Variants in UNC45A observed in about 807,000 individuals in gnomAD.
UNC45A encodes protein unc-45 homolog A.
A neutral mutation model predicts 103.2 loss-of-function variants in UNC45A; 78 were observed. That is an observed-to-expected ratio of 0.76 (90% CI 0.63 to 0.91). The LOEUF is 0.91. Among genes scored for constraint, UNC45A ranks in the 40% least tolerant of loss-of-function variants. The pLI is 0.00. For missense variants in UNC45A, 1,193 were observed against 1,224.8 expected, an observed-to-expected ratio of 0.97 and a Z score of 0.39; for synonymous variants, 495 against 504.6, an observed-to-expected ratio of 0.98 and a Z score of 0.25.
intron 9 of UNC45A, 107 bp from the exon 10 acceptor site, chr15:90,946,507 G>A: frequency 7.6e-7 from 1 of 1,318,044 alleles, no homozygotes; most frequent in Non-Finnish European, 1.0e-6. Flanking sequence ...CTTTCCTGCT[G>A]TTTCTGCCCA....
chr15:90,931,902 G>C (rs572934314), upstream of UNC45A: 12 of 1,614,034 alleles, frequency 7.4e-6, no homozygotes, highest in African/African-American at 1.5e-4. Flanking sequence ...ACCTCATCCA[G>C]GGTGGTGTCT....
At chr15:90,933,024 C>T (rs1383558102), upstream of UNC45A, 1 of 152,930 alleles carries the variant, frequency 6.5e-6, no homozygotes, top group Non-Finnish European at 1.5e-5. Context: ...AATAGTTCTC[C>T]CTGTAGGGAT....
At chr15:90,931,704 C>G (rs2035798872), upstream of UNC45A, 1 of 1,613,948 alleles carries the variant, frequency 6.2e-7, no homozygotes, top group Non-Finnish European at 8.5e-7. Context: ...GAAAGCGTAC[C>G]CTCTGGGGTG....
Position 90,942,570 on chromosome 15 carries a change from A to G in UNC45A, c.821A>G (p.Lys274Arg). 5 of 1,614,190 alleles carry G rather than the reference A, an allele frequency of 3.1e-6. No homozygotes were observed. The highest frequency in any genetic ancestry group is 4.2e-6 in the Non-Finnish European group (5 of 1,180,040). ...MFDALKEGVK[K>R]GFRGKEGAII... is the part of the protein sequence containing the mutation. ...GATGCCCTCAAGGAAGGTGTCAAAA[A>G]AGGCTTCCGAGGCAAAGAAGGTGCC... is the stretch of plus-strand genomic sequence containing the variant. Residue 274 changes from lysine (K) to arginine (R), a missense_variant, in exon 7 of 20, where the codon AAA becomes AGA. Lys to Arg is a conservative substitution (Grantham distance 26, BLOSUM62 2). Coordinates refer to ENST00000418476, the MANE Select transcript of UNC45A (RefSeq NM_018671.5).
rs141112318 is a variant in UNC45A, at chr15:90,953,587, G to A, written c.2706G>A (p.Glu902=). 29 of 1,614,192 alleles carry A rather than the reference G, an allele frequency of 1.8e-5. No homozygotes were observed. In the African/African-American group the frequency reaches 2.7e-4, roughly 15 times the overall value. Residue 902 remains glutamate (E), a synonymous_variant, in exon 20 of 20, where the codon GAG becomes GAA. Transcript: ENST00000418476. ...GGGAGATTGCCAGCACCCTGATGGA[G>A]AGTGAGATGATGGAGATCTTGTCAG... ...ASREIASTLM[E]SEMMEILSVL... is the part of the protein sequence containing the mutation.
At chr15:90,931,444 A>C (rs755701056), upstream of UNC45A, 2 of 1,612,464 alleles carry the variant, frequency 1.2e-6, no homozygotes, top group South Asian at 1.1e-5. Context: ...GCGTGATGTC[A>C]AGGAAAGCAC....
Position 90,948,683 on chromosome 15 carries a change from G to A in UNC45A, c.1767G>A (p.Val589=), listed in dbSNP as rs201227692. 10 of 1,613,932 alleles carry A rather than the reference G, an allele frequency of 6.2e-6. No homozygotes were observed. The East Asian group carries it at 2.2e-4, about 36-fold the overall frequency. The change falls in exon 13 of 20, where the codon GTG becomes GTA. Residue 589 remains valine, a synonymous_variant. Coordinates refer to ENST00000418476, the MANE Select transcript of UNC45A (RefSeq NM_018671.5). ...RLEERSVLFA[V]ASALVNCTNS... ...AGGAGAGGTCAGTGCTCTTTGCGGT[G>A]GCCTCAGCGCTGGTGAACTGCACCA...
chr15:90,930,775 G>A (rs1034274621), upstream of UNC45A: 5 of 174,290 alleles, frequency 2.9e-5, no homozygotes, highest in East Asian at 7.6e-4. Context: ...CACAACCCAT[G>A]TCACTGACAA....
rs150311909 is a variant in UNC45A, at chr15:90,946,780, G to C, written c.1366G>C (p.Val456Leu). 6.2e-7 allele frequency: 1 copy of C among 1,614,134 alleles called. No homozygotes were observed. The highest frequency in any genetic ancestry group is 1.1e-5 in the South Asian group (1 of 91,092). The change falls in exon 10 of 20, where the codon GTG (valine) becomes CTG (leucine). Residue 456 changes from valine (V) to leucine (L), a missense_variant. By Grantham distance (32) the Val-to-Leu change is conservative. Coordinates refer to ENST00000418476, the MANE Select transcript of UNC45A (RefSeq NM_018671.5). ...CTCTGAGCAGGAGGAGGAGCAGCTG[G>C]TGGCCGTGGAGGCTCTGATCCATGC... ...CASEQEEEQL[V>L]AVEALIHAAG...
chr15:90,946,607 C>G lies in UNC45A; in HGVS notation c.1200-7C>G, dbSNP rs1399914135. On this transcript the variant is annotated splice_region_variant and splice_polypyrimidine_tract_variant and intron_variant, in intron 9 of 19. Coordinates refer to ENST00000418476, the MANE Select transcript of UNC45A (RefSeq NM_018671.5). ...TGGTGTGACGGCTGTCACCCTGTGC[C>G]CCTCAGGAGCTGGTTTGAGGGCCAA... 1.3e-6 allele frequency: 2 copies of G among 1,594,710 alleles called. No homozygotes were observed. The highest frequency in any genetic ancestry group is 1.1e-5 in the South Asian group (1 of 89,290).
upstream of UNC45A, chr15:90,934,468 G>A: frequency 2.5e-6 from 1 of 399,008 alleles, no homozygotes. Flanking sequence ...CAGGCTGCAG[G>A]GGGCTCCTGC....
chr15:90,932,612 G>A (rs2035845314), upstream of UNC45A: 3 of 932,862 alleles, frequency 3.2e-6, no homozygotes, highest in South Asian at 1.4e-4. Context: ...CTGGCGCCGG[G>A]GAGGCCCGGG....
At chr15:90,946,306 G>T (rs986719795) in intron 9 of UNC45A, among the ~76,000 whole-genome samples, 3 of 151,900 alleles carry the variant, frequency 2.0e-5, no homozygotes, top group Non-Finnish European at 4.4e-5. Context: ...TACAGCTGTT[G>T]GGGAGAAAAC....
chr15:90,948,061 C>A, intron 11 of UNC45A, 81 bp from the exon 12 acceptor site: 1 of 1,587,726 alleles, frequency 6.3e-7, no homozygotes. Flanking sequence ...TGCCCAAACC[C>A]TTGGTTTTTC....
rs748559511 is a variant in UNC45A, at chr15:90,949,340, C to T, written c.1903C>T (p.Arg635Trp). Residue 635 changes from arginine (R) to tryptophan (W), a missense_variant, in exon 14 of 20, where the codon CGG becomes TGG. By Grantham distance (101) the Arg-to-Trp change is moderately radical (BLOSUM62 -3). Transcript: ENST00000418476. Reference sequence around the variant, plus strand: ...GGACAAGCCAAGCTTCGTGCGGGCTCGGGTGAAGAAGCTGCTGGCAGCGGG... The same window carrying T: ...GGACAAGCCAAGCTTCGTGCGGGCTTGGGTGAAGAAGCTGCTGGCAGCGGG... Reference protein sequence around the residue: ...PKDKPSFVRARVKKLLAAGVV... With the variant: ...PKDKPSFVRAWVKKLLAAGVV... 5 of 1,613,114 alleles carry T rather than the reference C, an allele frequency of 3.1e-6. No homozygotes were observed. The highest frequency in any genetic ancestry group is 1.7e-5 in the Admixed American group (1 of 60,020).
intron 6 of UNC45A, 125 bp downstream of exon 6, chr15:90,940,598 C>A: frequency 1.6e-6 from 2 of 1,256,480 alleles, no homozygotes; most frequent in Non-Finnish European, 2.2e-6. Context: ...CTCTTCCACC[C>A]TCTACCCCTT....
Position 90,940,389 on chromosome 15 carries a change from A to G in UNC45A, c.603A>G (p.Gln201=), listed in dbSNP as rs2036230901. 1.9e-6 allele frequency: 3 copies of G among 1,614,016 alleles called. No individual in the cohort carries two copies. Among genetic ancestry groups the G allele is most frequent in the South Asian group, 2.2e-5 (2 of 91,070 alleles). The change falls in exon 6 of 20, where the codon CAA becomes CAG. Residue 201 remains glutamine (Q), a synonymous_variant. Coordinates refer to ENST00000418476, the MANE Select transcript of UNC45A (RefSeq NM_018671.5). ...GGAGTAATGGGGTTCAGCTCTTGCAACGTTTACTGGACATGGGAGAGACTG... is the reference window on the plus strand; with the variant it reads ...GGAGTAATGGGGTTCAGCTCTTGCAGCGTTTACTGGACATGGGAGAGACTG... The part of the protein sequence containing the change: ...IFRSNGVQLL[Q]RLLDMGETDL...
rs2036339787 is a variant in UNC45A at position 90,942,438 on chromosome 15, C to T, written c.689C>T (p.Thr230Ile). The change falls in exon 7 of 20, where the codon ACA becomes ATA. Residue 230 changes from threonine (T) to isoleucine (I), a missense_variant and splice_region_variant. Transcript: ENST00000418476. The stretch of plus-strand genomic sequence containing the variant: ...TTCTGTTTACCTCTCCCACCCCAGA[C>T]AGTGGCAACCCTGAGCATACTGGGA... ...VGICSEHQSR[T>I]VATLSILGTR... is the part of the protein sequence containing the mutation. 6.2e-7 allele frequency: 1 copy of T among 1,606,518 alleles called. No individual in the cohort carries two copies. Among genetic ancestry groups the T allele is most frequent in the Non-Finnish European group, 8.5e-7 (1 of 1,175,238 alleles).
rs1431153720 is a variant in UNC45A, at chr15:90,949,876, AG to A, written c.2073+158del. ...CCCGCTGAGAGAGTGACGCGGAAGC[AG>A]GCAAGCTCCTTGGCCCCTCCACACT... On this transcript the variant is annotated intron_variant, in intron 15 of 19. Coordinates refer to ENST00000418476, the MANE Select transcript of UNC45A (RefSeq NM_018671.5). The A allele has an allele frequency of 4.8e-6, 4 of 841,840 alleles. No individual in the cohort carries two copies. In the East Asian group the frequency reaches 1.1e-4, roughly 22 times the overall value. 52.1% of individuals were successfully genotyped at this position (841,840 alleles called of 1,614,324 possible). A position where few individuals can be genotyped will look rare whatever the true frequency, so the allele number is the denominator to read the frequency against.
Sources: gnomAD v4.1 joint callset for allele counts (sites outside exome capture counted in the v4.1 genomes callset) on GRCh38, gnomAD v4.1.1 for gene constraint, MANE v1.5 for transcripts, NCBI Gene and HGNC (gene_info 2026-07-23, HGNC 2026-07-21) for gene names.